PPARGC1A: variants seen among roughly 807,000 people sequenced by gnomAD.
The protein encoded by PPARGC1A is PPARG coactivator 1 alpha.
A neutral mutation model predicts 88.7 loss-of-function variants in PPARGC1A; 25 were observed. That is an observed-to-expected ratio of 0.28 (90% CI 0.21 to 0.39). PPARGC1A has a LOEUF of 0.39. Ranked by LOEUF, PPARGC1A falls within the 10% of genes least tolerant of loss-of-function variation. The pLI, the probability that PPARGC1A is intolerant of heterozygous loss-of-function variation, is 1.00. For synonymous variants in PPARGC1A, 363 were observed against 355.6 expected (o/e 1.02, Z -0.24); for missense variants, 880 against 968.7 (o/e 0.91, Z 1.22).
chr4:24,100,197 T>C, the PPARGC1A span, among the ~76,000 whole-genome samples: 2 of 152,174 alleles, frequency 1.3e-5, no homozygotes, highest in Admixed American at 6.5e-5. Flanking sequence ...ACAAGGCTGA[T>C]TCATTAAGTT....
chr4:24,016,006 C>T, the PPARGC1A span, among the ~76,000 whole-genome samples: 15 of 152,200 alleles, frequency 9.9e-5, no homozygotes, highest in South Asian at 2.1e-3. Flanking sequence ...AATATGTGAC[C>T]GTGTGCACTT....
upstream of PPARGC1A, among the ~76,000 whole-genome samples, chr4:23,907,345 CAACT>C (rs566657989): frequency 2.8e-3 from 431 of 152,302 alleles, 7 homozygotes; most frequent in South Asian, 0.024. Context: ...TATTTTTTAA[CAACT>C]AACTTTGTAA....
At chr4:24,007,478 A>G in the PPARGC1A span, among the ~76,000 whole-genome samples, 1 of 152,226 alleles carries the variant, frequency 6.6e-6, no homozygotes. Context: ...GCACGGTGCT[A>G]TGAAGGAGCA....
At chr4:23,824,891 A>G (rs1449053120) in intron 5 of PPARGC1A, among the ~76,000 whole-genome samples, 9 of 152,108 alleles carry the variant, frequency 5.9e-5, no homozygotes, top group Non-Finnish European at 1.3e-4. Flanking sequence ...CATTATGAAT[A>G]TTCAGTTGAT....
At chr4:24,375,194 A>G in the PPARGC1A span, among the ~76,000 whole-genome samples, 5 of 152,188 alleles carry the variant, frequency 3.3e-5, no homozygotes, top group Admixed American at 6.5e-5. Context: ...ATTATTAAAA[A>G]GGAAAATCAG....
chr4:24,031,400 G>A, the PPARGC1A span, among the ~76,000 whole-genome samples: 2 of 152,116 alleles, frequency 1.3e-5, no homozygotes, highest in South Asian at 2.1e-4. Context: ...GTCACCAAGC[G>A]ATAGAGAGAA....
chr4:24,113,280 A>AGATGGATGGATGGATGGATGGATGGATG, the PPARGC1A span, among the ~76,000 whole-genome samples: 1 of 152,222 alleles, frequency 6.6e-6, no homozygotes, highest in East Asian at 1.9e-4. Context: ...AGAAATGAAG[A>AGATGGATGGATGGATGGATGGATGGATG]GATGGATGGA....
chr4:23,968,804 A>G, the PPARGC1A span, among the ~76,000 whole-genome samples: 1 of 152,052 alleles, frequency 6.6e-6, no homozygotes, highest in South Asian at 2.1e-4. Context: ...AGTCTCAGCT[A>G]CTAAGGAGGC....
At chr4:24,228,793 C>G in the PPARGC1A span, among the ~76,000 whole-genome samples, 2 of 152,102 alleles carry the variant, frequency 1.3e-5, no homozygotes, top group South Asian at 2.1e-4. Context: ...TTTCATGAAC[C>G]AATTAAGGCT....
the PPARGC1A span, among the ~76,000 whole-genome samples, chr4:24,173,904 T>C: frequency 2.6e-5 from 4 of 152,240 alleles, no homozygotes; most frequent in East Asian, 1.9e-4. Context: ...ATGACCAGCA[T>C]TGATACTGAA....
chr4:24,269,622 C>G, the PPARGC1A span, among the ~76,000 whole-genome samples: 2 of 151,944 alleles, frequency 1.3e-5, no homozygotes, highest in Non-Finnish European at 1.5e-5. Context: ...AGCATGTAGT[C>G]TTTAATCACC....
At chr4:23,806,705 T>C (rs936566279) in intron 10 of PPARGC1A, among the ~76,000 whole-genome samples, 5 of 152,146 alleles carry the variant, frequency 3.3e-5, no homozygotes, top group African/African-American at 1.2e-4. Context: ...ACGTGGGGGA[T>C]AAATAAAGAA....
chr4:24,245,929 A>G, the PPARGC1A span, among the ~76,000 whole-genome samples: 9 of 94,352 alleles, frequency 9.5e-5, no homozygotes, highest in African/African-American at 3.9e-4. Flanking sequence ...CCATGTGCAC[A>G]CACACACACA....
chr4:23,823,595 G>A (rs537022401), intron 7 of PPARGC1A, among the ~76,000 whole-genome samples: 4 of 151,960 alleles, frequency 2.6e-5, no homozygotes, highest in Non-Finnish European at 5.9e-5. Flanking sequence ...AAGTTATAAT[G>A]TATTTAAGAA....
chr4:24,229,431 G>A, the PPARGC1A span, among the ~76,000 whole-genome samples: 8 of 150,766 alleles, frequency 5.3e-5, no homozygotes, highest in African/African-American at 1.7e-4. Flanking sequence ...TTATAGGCAT[G>A]AGCCACGATG....
At chr4:24,179,161 G>A in the PPARGC1A span, among the ~76,000 whole-genome samples, 1 of 152,144 alleles carries the variant, frequency 6.6e-6, no homozygotes, top group Non-Finnish European at 1.5e-5. Flanking sequence ...AACTGTGAGA[G>A]CTGAGGGACT....
intron 2 of PPARGC1A, among the ~76,000 whole-genome samples, chr4:23,858,092 A>G (rs1730534335): frequency 6.6e-6 from 1 of 152,116 alleles, no homozygotes; most frequent in Non-Finnish European, 1.5e-5. Flanking sequence ...AGGACTTATT[A>G]ATATTACATT....
the PPARGC1A span, among the ~76,000 whole-genome samples, chr4:24,140,516 G>A: frequency 6.6e-6 from 1 of 152,148 alleles, no homozygotes; most frequent in Non-Finnish European, 1.5e-5. Context: ...GCCAGAAGAG[G>A]ATGATGATAA....
At chr4:24,052,444 C>T in the PPARGC1A span, among the ~76,000 whole-genome samples, 2 of 151,958 alleles carry the variant, frequency 1.3e-5, no homozygotes, top group African/African-American at 4.8e-5. Flanking sequence ...TGAGACCAGC[C>T]TGGCCAACAT....
Sources: gnomAD v4.1 joint callset for allele counts (sites outside exome capture counted in the v4.1 genomes callset) on GRCh38, gnomAD v4.1.1 for gene constraint, MANE v1.5 for transcripts, NCBI Gene and HGNC (gene_info 2026-07-23, HGNC 2026-07-21) for gene names.